Variants in ADGRL3 observed in about 807,000 individuals in gnomAD.
The protein encoded by ADGRL3 is adhesion G protein-coupled receptor L3, also known as calcium-independent alpha-latrotoxin receptor 3.
ADGRL3 carries 62 observed loss-of-function variants against 153.5 expected under a neutral mutation model. The observed-to-expected ratio is 0.40, with a 90% CI of 0.33 to 0.50. The LOEUF is 0.50. Ranked by LOEUF, ADGRL3 falls within the 20% of genes least tolerant of loss-of-function variation. The probability of loss-of-function intolerance (pLI) is 0.47; values close to 1 mark genes in which losing one functional copy is unlikely to be tolerated. For synonymous variants in ADGRL3, 710 were observed against 672.5 expected (o/e 1.06, Z -0.86); for missense variants, 1,641 against 1,859.4 (o/e 0.88, Z 2.16).
chr4:62,042,945 A>C (rs1729147901), intron 24 of ADGRL3, among the ~76,000 whole-genome samples: 1 of 152,068 alleles, frequency 6.6e-6, no homozygotes, highest in Admixed American at 6.6e-5. Flanking sequence ...AGCACATTTT[A>C]GTTTGCATAT....
chr4:61,907,307 G>A (rs948010745), intron 11 of ADGRL3, among the ~76,000 whole-genome samples: 1 of 152,016 alleles, frequency 6.6e-6, no homozygotes, highest in Non-Finnish European at 1.5e-5. Context: ...CACCCAGGCT[G>A]GAGTGCAGTG....
chr4:61,360,136 A>G (rs2096261583), intron 1 of ADGRL3, among the ~76,000 whole-genome samples: 1 of 152,176 alleles, frequency 6.6e-6, no homozygotes. Flanking sequence ...TATGAGAATT[A>G]GGACACAACA....
chr4:61,460,339 G>A (rs564714247), intron 2 of ADGRL3, among the ~76,000 whole-genome samples: 10 of 152,016 alleles, frequency 6.6e-5, no homozygotes, highest in Non-Finnish European at 1.5e-4. Flanking sequence ...TTTCCCCAAC[G>A]TATATACAGT....
chr4:61,547,835 T>C (rs1262503257), intron 4 of ADGRL3, among the ~76,000 whole-genome samples: 1 of 152,136 alleles, frequency 6.6e-6, no homozygotes, highest in Non-Finnish European at 1.5e-5. Flanking sequence ...GCCAAACTGC[T>C]TCACACAGTG....
rs918742156 is a variant in ADGRL3 at position 61,739,723 on chromosome 4, C to G, written c.1399+6169C>G. Reference sequence around the variant, plus strand: ...CTAAGTTTTAGTAAGTCACTCCCCCCACCCTGTACCACCAGCTTCTCCCTT... The same window carrying G: ...CTAAGTTTTAGTAAGTCACTCCCCCGACCCTGTACCACCAGCTTCTCCCTT... On this transcript the variant is annotated intron_variant, in intron 8 of 26. Coordinates refer to ENST00000683033, the MANE Select transcript of ADGRL3 (RefSeq NM_001387552.1). 3.9e-5 allele frequency among the ~76,000 whole-genome samples: 6 copies of G among 152,172 alleles called. 1 individual carries two copies. The South Asian group carries it at 1.0e-3, about 26-fold the overall frequency.
intron 3 of ADGRL3, among the ~76,000 whole-genome samples, chr4:61,510,442 A>G (rs905094301): frequency 1.5e-4 from 23 of 152,154 alleles, no homozygotes; most frequent in African/African-American, 5.3e-4. Flanking sequence ...CATATGCTGA[A>G]AAGTAAGGGC....
At chr4:61,823,858 A>G (rs1023661335) in intron 9 of ADGRL3, among the ~76,000 whole-genome samples, 1 of 152,082 alleles carries the variant, frequency 6.6e-6, no homozygotes, top group Non-Finnish European at 1.5e-5. Context: ...TCAGGAGATC[A>G]AGACCATCCT....
chr4:61,864,853 A>G lies in ADGRL3; in HGVS notation c.1481-27803A>G, dbSNP rs1444160709. 3.3e-5 allele frequency among the ~76,000 whole-genome samples: 5 copies of G among 152,338 alleles called. No homozygotes were observed. In the East Asian group the frequency reaches 9.6e-4, roughly 29 times the overall value. On this transcript the variant is annotated intron_variant, in intron 9 of 26. Transcript: ENST00000683033. ...AAATAACAGTTTTGGAAAACAGGTA[A>G]AATTGTGAAGCTGTGGAACTAAAAT...
rs189903008 is a variant in ADGRL3, at chr4:61,454,649, T to C, written c.-173-42472T>C. On this transcript the variant is annotated intron_variant, in intron 2 of 26. Transcript: ENST00000683033. ...TTTGGCTAAACAAGTGGTAAGCTTG[T>C]TGTTTCTATGTGGATATGTACATAA... Among the ~76,000 whole-genome samples the C allele has an allele frequency of 1.9e-3, 288 of 152,256 alleles. 1 individual carries two copies. The highest frequency in any genetic ancestry group is 6.6e-3 in the African/African-American group (275 of 41,562).
At chr4:62,021,050 T>G (rs2099235700) in intron 21 of ADGRL3, among the ~76,000 whole-genome samples, 1 of 152,116 alleles carries the variant, frequency 6.6e-6, no homozygotes. Context: ...TCATCTTCTT[T>G]GTATTTACAC....
intron 5 of ADGRL3, among the ~76,000 whole-genome samples, chr4:61,590,088 T>G (rs1388147944): frequency 6.6e-6 from 1 of 152,100 alleles, no homozygotes; most frequent in East Asian, 1.9e-4. Context: ...ACAACAGATT[T>G]ATTTGTCCTT....
At chr4:61,407,924 A>G (rs1050802908) in intron 2 of ADGRL3, among the ~76,000 whole-genome samples, 1 of 152,140 alleles carries the variant, frequency 6.6e-6, no homozygotes, top group African/African-American at 2.4e-5. Context: ...TTGGTTTTCC[A>G]TAACAAACAT....
chr4:61,673,147 C>T (rs2095064042), intron 5 of ADGRL3, among the ~76,000 whole-genome samples: 1 of 151,724 alleles, frequency 6.6e-6, no homozygotes, highest in South Asian at 2.1e-4. Flanking sequence ...CTTCTAGAAG[C>T]AGAAAGTAGA....
At chr4:61,823,584 T>G (rs967189786) in intron 9 of ADGRL3, among the ~76,000 whole-genome samples, 1 of 152,188 alleles carries the variant, frequency 6.6e-6, no homozygotes, top group Non-Finnish European at 1.5e-5. Context: ...ACAATTATTA[T>G]TGTCTTTTTG....
At chr4:61,984,449 A>C (rs2099078770) in intron 19 of ADGRL3, among the ~76,000 whole-genome samples, 1 of 152,110 alleles carries the variant, frequency 6.6e-6, no homozygotes, top group Admixed American at 6.5e-5. Flanking sequence ...GTGCATGTCT[A>C]TAAAGCTACT....
intron 1 of ADGRL3, among the ~76,000 whole-genome samples, chr4:61,253,869 T>C (rs1256472773): frequency 6.6e-6 from 1 of 152,194 alleles, no homozygotes; most frequent in African/African-American, 2.4e-5. Flanking sequence ...AATTGTTATC[T>C]CTGTGAGAGT....
intron 4 of ADGRL3, among the ~76,000 whole-genome samples, chr4:61,534,513 T>C (rs912893478): frequency 3.3e-5 from 5 of 152,142 alleles, no homozygotes; most frequent in African/African-American, 1.2e-4. Flanking sequence ...ACTGAATCTC[T>C]AGATTGCTTT....
chr4:61,599,564 C>A (rs1241064966), intron 5 of ADGRL3, among the ~76,000 whole-genome samples: 1 of 152,196 alleles, frequency 6.6e-6, no homozygotes, highest in African/African-American at 2.4e-5. Flanking sequence ...AACTCCTGAC[C>A]TCAAGTGATC....
chr4:62,043,480 A>G (rs1057088574), intron 24 of ADGRL3, among the ~76,000 whole-genome samples: 1 of 152,092 alleles, frequency 6.6e-6, no homozygotes, highest in Non-Finnish European at 1.5e-5. Context: ...AATATTTCTG[A>G]AGAATAAGCA....
Sources: allele counts gnomAD v4.1 joint callset (sites outside exome capture counted in the v4.1 genomes callset), GRCh38; gene constraint gnomAD v4.1.1; transcripts MANE v1.5; gene names NCBI Gene and HGNC (gene_info 2026-07-23, HGNC 2026-07-21).